Variants in DOCK3 observed in about 807,000 individuals in gnomAD.
DOCK3 encodes the protein dedicator of cytokinesis 3.
Under a neutral mutation model 265.6 loss-of-function variants are expected in DOCK3, and 60 were observed. The ratio of observed to expected loss-of-function variants is 0.23; its 90% CI spans 0.18 to 0.28. The LOEUF is 0.28. Among genes scored for constraint, DOCK3 ranks in the 10% least tolerant of loss-of-function variants. The pLI is 1.00. For synonymous variants in DOCK3, 881 were observed against 938.0 expected (o/e 0.94, Z 1.11); for missense variants, 1,981 against 2,594.3 (o/e 0.76, Z 5.14).
intron 30 of DOCK3, 69 bp from the exon 31 acceptor site, chr3:51,312,775 A>AT: frequency 1.3e-6 from 2 of 1,502,382 alleles, no homozygotes. Context: ...TCCTGGCCTC[A>AT]TGGGTTTGCA....
At chr3:50,956,776 T>C (rs6771085) in intron 5 of DOCK3, among the ~76,000 whole-genome samples, 14,359 of 152,302 alleles carry the variant, frequency 0.094, 834 homozygotes, top group Non-Finnish European at 0.12. Flanking sequence ...AGTTAGGTCC[T>C]ATTAAAATGA....
At chr3:50,710,500 T>A (rs1035805574) in intron 1 of DOCK3, among the ~76,000 whole-genome samples, 1 of 152,032 alleles carries the variant, frequency 6.6e-6, no homozygotes, top group African/African-American at 2.4e-5. Flanking sequence ...AATTAAAAAA[T>A]AATAATAAAA....
chr3:50,899,510 C>G (rs749519066), intron 4 of DOCK3, among the ~76,000 whole-genome samples: 2 of 152,136 alleles, frequency 1.3e-5, no homozygotes, highest in Non-Finnish European at 2.9e-5. Context: ...TGAATTTGAT[C>G]CTGTCATTAT....
intron 43 of DOCK3, 103 bp downstream of exon 43, chr3:51,356,596 C>A: frequency 8.2e-7 from 1 of 1,224,176 alleles, no homozygotes; most frequent in Non-Finnish European, 1.2e-6. Context: ...CGTCGGCCAC[C>A]TGCCTGGCCA....
At chr3:50,932,508 G>A (rs1039591946) in intron 4 of DOCK3, among the ~76,000 whole-genome samples, 7 of 152,032 alleles carry the variant, frequency 4.6e-5, no homozygotes, top group African/African-American at 1.4e-4. Context: ...CAACATTGGT[G>A]TGGACATTAT....
intron 49 of DOCK3, among the ~76,000 whole-genome samples, chr3:51,369,555 C>T (rs1050746576): frequency 3.9e-5 from 6 of 152,108 alleles, no homozygotes; most frequent in East Asian, 1.9e-4. Context: ...TGAAAATCTA[C>T]GTCTGATTGG....
intron 5 of DOCK3, among the ~76,000 whole-genome samples, chr3:51,035,979 G>A (rs1038149027): frequency 6.6e-6 from 1 of 152,054 alleles, no homozygotes; most frequent in Non-Finnish European, 1.5e-5. Flanking sequence ...ATCTTCTCCT[G>A]ATTCCCTTGG....
intron 9 of DOCK3, among the ~76,000 whole-genome samples, chr3:51,139,344 T>C (rs1225101385): frequency 6.6e-6 from 1 of 152,120 alleles, no homozygotes; most frequent in Non-Finnish European, 1.5e-5. Flanking sequence ...ACTGTGTCTG[T>C]CACAACATAT....
chr3:51,011,289 A>G (rs1049495864), intron 5 of DOCK3, among the ~76,000 whole-genome samples: 1 of 152,136 alleles, frequency 6.6e-6, no homozygotes, highest in Non-Finnish European at 1.5e-5. Flanking sequence ...GTCTTTACAC[A>G]TAGTCCCATA....
intron 1 of DOCK3, among the ~76,000 whole-genome samples, chr3:50,731,080 C>T (rs889026408): frequency 3.4e-5 from 5 of 145,536 alleles, no homozygotes; most frequent in South Asian, 2.2e-4. Flanking sequence ...TGCAGTGAGC[C>T]GAGATCCCAC....
chr3:51,155,993 T>C (rs375001518), intron 10 of DOCK3, among the ~76,000 whole-genome samples: 1 of 152,188 alleles, frequency 6.6e-6, no homozygotes, highest in South Asian at 2.1e-4. Flanking sequence ...CAAGTATTAG[T>C]TGTCATTTTA....
At chr3:50,679,559 C>T (rs1362414836) in intron 1 of DOCK3, among the ~76,000 whole-genome samples, 1 of 152,056 alleles carries the variant, frequency 6.6e-6, no homozygotes. Flanking sequence ...TTGTAAAGAT[C>T]CTGTGGTGCA....
Position 51,214,156 on chromosome 3 carries a change from C to T in DOCK3, c.1161C>T (p.Asp387=). Residue 387 remains aspartate (D), a synonymous_variant, in exon 14 of 53, where the codon GAC becomes GAT. Transcript: ENST00000266037. ...TTTCTCTGCAGCTTCTTCGTGGAGA[C>T]ATGGAACAGATTCGGAGAGAAAATC... is the stretch of plus-strand genomic sequence containing the variant. ...LIISLQLLRG[D]MEQIRRENPM... The T allele has an allele frequency of 6.2e-7, 1 of 1,613,780 alleles. No homozygotes were observed.
intron 5 of DOCK3, among the ~76,000 whole-genome samples, chr3:50,980,087 G>C (rs1252933028): frequency 6.6e-6 from 1 of 152,196 alleles, no homozygotes; most frequent in Non-Finnish European, 1.5e-5. Flanking sequence ...GATGTTAGCT[G>C]TGGATTTTTC....
At chr3:51,223,723 G>T (rs2090200377) in intron 14 of DOCK3, among the ~76,000 whole-genome samples, 1 of 152,018 alleles carries the variant, frequency 6.6e-6, no homozygotes, top group South Asian at 2.1e-4. Flanking sequence ...CACCATAATA[G>T]CAATAACCTG....
At chr3:50,684,105 A>G (rs1232166319) in intron 1 of DOCK3, among the ~76,000 whole-genome samples, 1 of 151,622 alleles carries the variant, frequency 6.6e-6, no homozygotes, top group Non-Finnish European at 1.5e-5. Flanking sequence ...CTGCTTGGGG[A>G]ATGTTAACTG....
chr3:50,944,624 A>G (rs1257084167), intron 5 of DOCK3, among the ~76,000 whole-genome samples: 2 of 152,194 alleles, frequency 1.3e-5, no homozygotes, highest in Non-Finnish European at 2.9e-5. Flanking sequence ...TTGTGGCAAT[A>G]AGAAAAAGGG....
At chr3:51,115,895 T>C (rs1475093096) in intron 9 of DOCK3, among the ~76,000 whole-genome samples, 2 of 152,206 alleles carry the variant, frequency 1.3e-5, no homozygotes, top group East Asian at 3.8e-4. Context: ...ATTTATTAAA[T>C]AGGGAATCCT....
At chr3:51,111,644 A>G (rs145877377) in intron 9 of DOCK3, among the ~76,000 whole-genome samples, 185 of 152,338 alleles carry the variant, frequency 1.2e-3, no homozygotes, top group African/African-American at 3.5e-3. Flanking sequence ...ACCATTGTGT[A>G]CATGGGAACA....
Sources: allele counts gnomAD v4.1 joint callset (sites outside exome capture counted in the v4.1 genomes callset), GRCh38; gene constraint gnomAD v4.1.1; transcripts MANE v1.5; gene names NCBI Gene and HGNC (gene_info 2026-07-23, HGNC 2026-07-21).